Variants in ZNF385D observed in about 807,000 individuals in gnomAD.
ZNF385D encodes zinc finger protein 385D, also known as zinc finger protein 659.
Under a neutral mutation model 35.8 loss-of-function variants are expected in ZNF385D, and 15 were observed. That is an observed-to-expected ratio of 0.42 (90% CI 0.28 to 0.64). The LOEUF (loss-of-function observed/expected upper bound fraction) is 0.64, where lower values mean the gene tolerates loss of function less well. Among genes scored for constraint, ZNF385D ranks in the 30% least tolerant of loss-of-function variants. The pLI, the probability that ZNF385D is intolerant of heterozygous loss-of-function variation, is 0.23. For missense variants in ZNF385D, 474 were observed against 494.6 expected (o/e 0.96, Z 0.39); for synonymous variants, 212 against 186.8 (o/e 1.13, Z -1.10).
intron 3 of ZNF385D, among the ~76,000 whole-genome samples, chr3:22,077,649 G>T (rs1700531093): frequency 6.6e-6 from 1 of 151,846 alleles, no homozygotes; most frequent in African/African-American, 2.4e-5. Context: ...GCACATATTT[G>T]CTATTGTTTT....
At chr3:21,754,892 C>T (rs2070272447), upstream of ZNF385D, among the ~76,000 whole-genome samples, 1 of 152,190 alleles carries the variant, frequency 6.6e-6, no homozygotes, top group South Asian at 2.1e-4. Flanking sequence ...ATCCTAAGTA[C>T]AGCTGTATTG....
Position 22,240,558 on chromosome 3 carries a change from C to T in ZNF385D, c.107-71523G>A, listed in dbSNP as rs1010180718. Among the ~76,000 whole-genome samples the T allele has an allele frequency of 2.0e-5, 3 of 150,992 alleles. 1 individual carries two copies. Among genetic ancestry groups the T allele is most frequent in the Non-Finnish European group, 4.4e-5 (3 of 67,956 alleles). ...GATCTGTGCTTCCCCACAGCATTAC[C>T]TTGAGCCCTGCTTCATGGACTGCAC... On this transcript the variant is annotated intron_variant, in intron 2 of 5. Coordinates refer to the ZNF385D transcript ENST00000494108.
chr3:22,144,497 C>A (rs1180469181), intron 3 of ZNF385D, among the ~76,000 whole-genome samples: 2 of 131,932 alleles, frequency 1.5e-5, no homozygotes, highest in African/African-American at 5.8e-5. Flanking sequence ...TGCTTGAAGA[C>A]AGGAGGCAGA....
intron 2 of ZNF385D, among the ~76,000 whole-genome samples, chr3:22,346,409 T>G (rs181301445): frequency 6.6e-6 from 1 of 152,350 alleles, no homozygotes; most frequent in Non-Finnish European, 1.5e-5. Flanking sequence ...TTAATAACAA[T>G]CATAACAAGT....
intron 3 of ZNF385D, among the ~76,000 whole-genome samples, chr3:22,059,246 G>C (rs1240720393): frequency 2.6e-5 from 4 of 152,130 alleles, no homozygotes; most frequent in South Asian, 4.2e-4. Context: ...GTGTGGGTAA[G>C]GGAGGAAAGA....
At chr3:21,783,198 T>C (rs184575605) in intron 3 of ZNF385D, among the ~76,000 whole-genome samples, 1 of 152,166 alleles carries the variant, frequency 6.6e-6, no homozygotes. Flanking sequence ...ACATGGCATC[T>C]GAAACAACTT....
intron 2 of ZNF385D, among the ~76,000 whole-genome samples, chr3:21,566,668 T>TAATA (rs1470254477): frequency 1.7e-4 from 26 of 152,152 alleles, no homozygotes; most frequent in Non-Finnish European, 5.9e-5. Context: ...GTGAATTCTA[T>TAATA]AATATTTTCT....
At chr3:21,594,210 T>A (rs2064064878) in intron 2 of ZNF385D, among the ~76,000 whole-genome samples, 1 of 152,188 alleles carries the variant, frequency 6.6e-6, no homozygotes, top group Admixed American at 6.5e-5. Flanking sequence ...ACACCAGACC[T>A]GCCAAGATCA....
At chr3:21,562,780 C>CAA (rs2062998357) in intron 3 of ZNF385D, among the ~76,000 whole-genome samples, 1 of 151,848 alleles carries the variant, frequency 6.6e-6, no homozygotes, top group Admixed American at 6.6e-5. Flanking sequence ...TAAAAATGAT[C>CAA]AAAGTTGAAG....
At chr3:21,838,206 T>C (rs559758746) in intron 3 of ZNF385D, among the ~76,000 whole-genome samples, 37 of 152,200 alleles carry the variant, frequency 2.4e-4, no homozygotes, top group African/African-American at 7.0e-4. Context: ...TTTGGTAATA[T>C]GGAAAATTCA....
rs561982881 is a variant in ZNF385D at position 21,737,771 on chromosome 3, A to G, written c.22+13124T>C. Among the ~76,000 whole-genome samples, 4 of 152,332 alleles carry G rather than the reference A, an allele frequency of 2.6e-5. No individual in the cohort carries two copies. In the South Asian group the frequency reaches 8.3e-4, roughly 32 times the overall value. On this transcript the variant is annotated intron_variant, in intron 1 of 7. Coordinates refer to ENST00000281523, the MANE Select transcript of ZNF385D (RefSeq NM_024697.3). ...AAAGGTGTTTGGATTACTATCTGAT[A>G]GGAAGGATCACTGCACATGTGGCAC...
intron 3 of ZNF385D, among the ~76,000 whole-genome samples, chr3:21,977,325 T>A (rs992041118): frequency 1.8e-4 from 25 of 138,542 alleles, no homozygotes; most frequent in Non-Finnish European, 3.1e-4. Flanking sequence ...ACATTTCAAT[T>A]AACAAAAAAA....
At chr3:22,045,726 A>AT (rs34470821) in intron 3 of ZNF385D, among the ~76,000 whole-genome samples, 31,851 of 150,794 alleles carry the variant, frequency 0.21, 3,518 homozygotes, top group South Asian at 0.36. Context: ...TCTCACTTCT[A>AT]TTTTTTTTTG....
intron 3 of ZNF385D, among the ~76,000 whole-genome samples, chr3:22,123,960 CTCTATATATA>C (rs758588484): frequency 0.016 from 1,186 of 72,790 alleles, 35 homozygotes; most frequent in East Asian, 0.16. Flanking sequence ...CTCTCTCTCT[CTCTATATATA>C]TATATATATA....
At chr3:22,230,062 G>A (rs1698795655) in intron 2 of ZNF385D, among the ~76,000 whole-genome samples, 1 of 152,150 alleles carries the variant, frequency 6.6e-6, no homozygotes, top group South Asian at 2.1e-4. Context: ...ATAATCTTCT[G>A]TGCCCAGTAA....
chr3:22,238,754 A>G (rs1699330057), intron 2 of ZNF385D, among the ~76,000 whole-genome samples: 1 of 150,502 alleles, frequency 6.6e-6, no homozygotes, highest in African/African-American at 2.5e-5. Context: ...TTTTTTTTAG[A>G]CAAGATCTTG....
At chr3:21,446,412 A>G (rs1702148824) in intron 4 of ZNF385D, among the ~76,000 whole-genome samples, 1 of 151,048 alleles carries the variant, frequency 6.6e-6, no homozygotes, top group Admixed American at 6.6e-5. Context: ...AGGGGAAGCT[A>G]GTTACTCTAA....
intron 2 of ZNF385D, among the ~76,000 whole-genome samples, chr3:21,632,189 C>T (rs886426254): frequency 6.6e-6 from 1 of 151,816 alleles, no homozygotes; most frequent in Non-Finnish European, 1.5e-5. Context: ...ACATTTCTAC[C>T]CTCAGAGAGC....
At chr3:22,040,755 G>T (rs1698614591) in intron 3 of ZNF385D, among the ~76,000 whole-genome samples, 2 of 152,208 alleles carry the variant, frequency 1.3e-5, no homozygotes, top group South Asian at 4.2e-4. Context: ...GCAAAGCTAG[G>T]ATAGAAGGCT....
Sources: gnomAD v4.1 joint callset for allele counts (sites outside exome capture counted in the v4.1 genomes callset) on GRCh38, gnomAD v4.1.1 for gene constraint, MANE v1.5 for transcripts, NCBI Gene and HGNC (gene_info 2026-07-23, HGNC 2026-07-21) for gene names.